NWD2: variants seen among roughly 807,000 people sequenced by gnomAD.
The protein encoded by NWD2 is NACHT and WD repeat domain containing 2, also known as NACHT and WD repeat domain-containing protein 2.
A neutral mutation model predicts 132.7 loss-of-function variants in NWD2; 37 were observed. The ratio of observed to expected loss-of-function variants is 0.28; its 90% CI spans 0.21 to 0.37. The LOEUF is 0.37. Ranked by LOEUF, NWD2 falls within the 10% of genes least tolerant of loss-of-function variation. The probability of loss-of-function intolerance (pLI) is 1.00; values close to 1 mark genes in which losing one functional copy is unlikely to be tolerated. For missense variants in NWD2, 1,592 were observed against 2,122.4 expected (o/e 0.75, Z 4.91); for synonymous variants, 705 against 803.0 (o/e 0.88, Z 2.06).
chr4:37,369,743 G>C (rs1326125067), intron 3 of NWD2, among the ~76,000 whole-genome samples: 2 of 152,146 alleles, frequency 1.3e-5, no homozygotes, highest in Non-Finnish European at 2.9e-5. Context: ...GGTCAAAGTA[G>C]GTATTTTCTT....
intron 1 of NWD2, among the ~76,000 whole-genome samples, chr4:37,268,900 T>C (rs1231540894): frequency 2.6e-5 from 4 of 151,866 alleles, no homozygotes; most frequent in African/African-American, 9.7e-5. Context: ...CAGCGGCATC[T>C]GAAATTATTT....
intron 2 of NWD2, among the ~76,000 whole-genome samples, chr4:37,342,972 T>G (rs144203540): frequency 1.8e-4 from 27 of 152,286 alleles, no homozygotes; most frequent in African/African-American, 6.5e-4. Context: ...TGTCTCATAA[T>G]CAAGAGAATA....
chr4:37,375,241 A>G (rs1408707047), intron 3 of NWD2, among the ~76,000 whole-genome samples: 1 of 152,204 alleles, frequency 6.6e-6, no homozygotes, highest in Non-Finnish European at 1.5e-5. Flanking sequence ...AGTCATGCCT[A>G]GTGTCAAATT....
Position 37,265,040 on chromosome 4 carries a change from GATCAAAAATGT to G in NWD2, c.151+19826_151+19836del, listed in dbSNP as rs1216635948. Among the ~76,000 whole-genome samples the G allele has an allele frequency of 2.0e-5, 3 of 151,954 alleles. No individual in the cohort carries two copies. The East Asian group carries it at 5.8e-4, about 29-fold the overall frequency. On this transcript the variant is annotated intron_variant, in intron 1 of 6. Coordinates refer to ENST00000309447, the MANE Select transcript of NWD2 (RefSeq NM_001144990.2). Reference sequence around the variant, plus strand: ...ATAAATTGAAACAATATTAAAATCAGATCAAAAATGTATCTAAAGCTGAACTCCAGCCTGTA... The same window carrying G: ...ATAAATTGAAACAATATTAAAATCAGATCTAAAGCTGAACTCCAGCCTGTA...
chr4:37,310,209 C>A (rs1027559913), intron 1 of NWD2, among the ~76,000 whole-genome samples: 1 of 152,156 alleles, frequency 6.6e-6, no homozygotes, highest in South Asian at 2.1e-4. Flanking sequence ...TCTTATTTTC[C>A]AAGATTTCTG....
At chr4:37,430,542 A>G (rs1182178028) in intron 3 of NWD2, 30 bp from the exon 4 acceptor site, 2 of 1,496,280 alleles carry the variant, frequency 1.3e-6, no homozygotes, top group Non-Finnish European at 9.1e-7. Context: ...TTGGTGATAC[A>G]CTAAATTGAA....
chr4:37,378,674 A>T (rs1720396233), intron 3 of NWD2, among the ~76,000 whole-genome samples: 2 of 152,000 alleles, frequency 1.3e-5, no homozygotes, highest in Admixed American at 6.6e-5. Context: ...AGAACTTGTC[A>T]TTTGGTGACT....
At chr4:37,351,169 TG>T (rs1321743420) in intron 2 of NWD2, among the ~76,000 whole-genome samples, 1 of 152,290 alleles carries the variant, frequency 6.6e-6, no homozygotes, top group African/African-American at 2.4e-5. Flanking sequence ...TGCCAGGTTT[TG>T]GTATCAGAAT....
At chr4:37,369,658 A>G (rs1720175862) in intron 3 of NWD2, among the ~76,000 whole-genome samples, 1 of 152,198 alleles carries the variant, frequency 6.6e-6, no homozygotes, top group African/African-American at 2.4e-5. Context: ...CCTTTAAACA[A>G]TCAAGGAAGG....
At chr4:37,300,316 A>G (rs559663258) in intron 1 of NWD2, among the ~76,000 whole-genome samples, 5 of 152,290 alleles carry the variant, frequency 3.3e-5, no homozygotes, top group South Asian at 4.1e-4. Context: ...CGCTGTAGCA[A>G]TCAATAAATT....
At chr4:37,294,002 A>G (rs1350029304) in intron 1 of NWD2, among the ~76,000 whole-genome samples, 1 of 152,192 alleles carries the variant, frequency 6.6e-6, no homozygotes, top group African/African-American at 2.4e-5. Flanking sequence ...AAGGCTCACT[A>G]TAGGCTATAG....
Position 37,388,153 on chromosome 4 carries a change from A to G in NWD2, c.357+31671A>G, listed in dbSNP as rs1720603144. ...GAGGATTCACTTAGTTAATAGATGT[A>G]AAGTGCTTGCTACATAGTAAGGAGT... On this transcript the variant is annotated intron_variant, in intron 3 of 6. Coordinates refer to ENST00000309447, the MANE Select transcript of NWD2 (RefSeq NM_001144990.2). 2.6e-5 allele frequency among the ~76,000 whole-genome samples: 4 copies of G among 152,218 alleles called. No individual in the cohort carries two copies. The South Asian group carries it at 8.3e-4, about 32-fold the overall frequency.
At chr4:37,346,910 C>T (rs1719649073) in intron 2 of NWD2, among the ~76,000 whole-genome samples, 1 of 152,034 alleles carries the variant, frequency 6.6e-6, no homozygotes, top group Admixed American at 6.6e-5. Context: ...ATTGATCTTG[C>T]ACCCTACAAC....
chr4:37,307,030 A>C (rs867910851), intron 1 of NWD2, among the ~76,000 whole-genome samples: 4 of 152,216 alleles, frequency 2.6e-5, no homozygotes, highest in Middle Eastern at 6.8e-3. Context: ...TCAAAAAAAA[A>C]AAAAAAAAGA....
chr4:37,251,905 A>G (rs966017203), intron 1 of NWD2, among the ~76,000 whole-genome samples: 13 of 152,254 alleles, frequency 8.5e-5, no homozygotes, highest in African/African-American at 3.1e-4. Context: ...TCTGGTGCTT[A>G]GCATACAGAA....
In NWD2 at chr4:37,317,596, C is replaced by T. The variant is rs117247769; in HGVS notation, c.152-8340C>T. Among the ~76,000 whole-genome samples, 29 of 152,292 alleles carry T rather than the reference C, an allele frequency of 1.9e-4. 1 individual carries two copies. In the East Asian group the frequency reaches 5.6e-3, roughly 29 times the overall value. On this transcript the variant is annotated intron_variant, in intron 1 of 6. Coordinates refer to ENST00000309447, the MANE Select transcript of NWD2 (RefSeq NM_001144990.2). ...AGGGATAGGAGAAGGCAAGAATCCC[C>T]ACAGACTCCTCTTACCCAAAGTTCA... is the stretch of plus-strand genomic sequence containing the variant.
At chr4:37,322,040 T>C (rs1398311937) in intron 1 of NWD2, among the ~76,000 whole-genome samples, 1 of 152,202 alleles carries the variant, frequency 6.6e-6, no homozygotes, top group East Asian at 1.9e-4. Context: ...CATCGAATGA[T>C]GAATTACAAT....
At chr4:37,420,859 G>A (rs1209669673) in intron 3 of NWD2, among the ~76,000 whole-genome samples, 1 of 152,230 alleles carries the variant, frequency 6.6e-6, no homozygotes. Context: ...CACCCTAAAA[G>A]GTTAAGTACT....
Position 37,245,197 on chromosome 4 carries a change from TTCA to T in NWD2, c.134_136del (p.Ile45del). ...GCCCGCCGGCCGCAGCGTCCGGGTC[TTCA>T]TCAGCGCCAACCCTGAAGGTACGTC... On this transcript the variant is annotated inframe_deletion, in exon 1 of 7. Transcript: ENST00000309447. The T allele has an allele frequency of 1.3e-6, 2 of 1,542,156 alleles. No individual in the cohort carries two copies. The highest frequency in any genetic ancestry group is 1.7e-6 in the Non-Finnish European group (2 of 1,145,784).
Sources: gnomAD v4.1 joint callset for allele counts (sites outside exome capture counted in the v4.1 genomes callset) on GRCh38, gnomAD v4.1.1 for gene constraint, MANE v1.5 for transcripts, NCBI Gene and HGNC (gene_info 2026-07-23, HGNC 2026-07-21) for gene names.